ZNF385D: variants seen among roughly 807,000 people sequenced by gnomAD.
ZNF385D encodes zinc finger protein 659.
ZNF385D carries 15 observed loss-of-function variants against 35.8 expected under a neutral mutation model. That is an observed-to-expected ratio of 0.42 (90% CI 0.28 to 0.64). The LOEUF is 0.64. ZNF385D is among the 30% of genes least tolerant of loss of function. The pLI is 0.23. For synonymous variants in ZNF385D, 212 were observed against 186.8 expected (o/e 1.13, Z -1.10); for missense variants, 474 against 494.6 (o/e 0.96, Z 0.39).
At chr3:21,791,950 G>A (rs2071947689) in intron 3 of ZNF385D, among the ~76,000 whole-genome samples, 1 of 152,060 alleles carries the variant, frequency 6.6e-6, no homozygotes, top group South Asian at 2.1e-4. Flanking sequence ...GGCTAGGATG[G>A]TCTCGATCTC....
chr3:21,858,323 A>C (rs536457740), intron 3 of ZNF385D, among the ~76,000 whole-genome samples: 1 of 152,186 alleles, frequency 6.6e-6, no homozygotes, highest in East Asian at 1.9e-4. Context: ...ACCAAGGAAC[A>C]GTTATATGCA....
At position 22,153,145 on chromosome 3, in the gene ZNF385D, A is replaced by C. The variant is rs568084074; in HGVS notation, c.325+15672T>G. On this transcript the variant is annotated intron_variant, in intron 3 of 5. Coordinates refer to the ZNF385D transcript ENST00000494108. ...TCCCTTCCTGACCTCTGCTGTACAA[A>C]TCTGTGACTGGTGAACTCATATTCA... 2.6e-5 allele frequency among the ~76,000 whole-genome samples: 4 copies of C among 152,272 alleles called. 1 individual carries two copies. The South Asian group carries it at 8.3e-4, about 32-fold the overall frequency.
At chr3:22,325,825 G>C (rs942491074) in intron 2 of ZNF385D, among the ~76,000 whole-genome samples, 10 of 144,024 alleles carry the variant, frequency 6.9e-5, no homozygotes, top group South Asian at 4.4e-4. Flanking sequence ...GGAACAAAAA[G>C]AATCACATTT....
At position 22,342,651 on chromosome 3, in the gene ZNF385D, A is replaced by G. The variant is rs994024934; in HGVS notation, c.106+29799T>C. Among the ~76,000 whole-genome samples the G allele has an allele frequency of 6.6e-5, 10 of 152,204 alleles. 1 individual carries two copies. Among genetic ancestry groups the G allele is most frequent in the African/African-American group, 2.4e-4 (10 of 41,448 alleles). On this transcript the variant is annotated intron_variant, in intron 2 of 5. Coordinates refer to the ZNF385D transcript ENST00000494108. The stretch of plus-strand genomic sequence containing the variant: ...GTTACTGGAGCTTTTTATGCAAGAA[A>G]AGGAAAACAGAAGCAGTGCTGAACT...
At chr3:21,606,454 G>A (rs140261200) in intron 2 of ZNF385D, among the ~76,000 whole-genome samples, 23 of 152,302 alleles carry the variant, frequency 1.5e-4, no homozygotes, top group Admixed American at 1.3e-4. Context: ...TACATTTGAT[G>A]TACAAAATGG....
chr3:21,889,326 G>A (rs1698718564), intron 3 of ZNF385D, among the ~76,000 whole-genome samples: 1 of 152,178 alleles, frequency 6.6e-6, no homozygotes, highest in Non-Finnish European at 1.5e-5. Context: ...GGAGACCTCA[G>A]ATGCAAGATG....
intron 2 of ZNF385D, among the ~76,000 whole-genome samples, chr3:22,198,147 T>A (rs1696544091): frequency 6.6e-6 from 1 of 151,908 alleles, no homozygotes; most frequent in African/African-American, 2.4e-5. Context: ...AGTAATGCGG[T>A]TATGAGAATA....
At chr3:21,943,859 A>G (rs1402992649) in intron 3 of ZNF385D, among the ~76,000 whole-genome samples, 2 of 152,202 alleles carry the variant, frequency 1.3e-5, no homozygotes, top group Non-Finnish European at 2.9e-5. Context: ...TGGAAATACA[A>G]AGAAATCATT....
At position 21,716,745 on chromosome 3, in the gene ZNF385D, A is replaced by G. The variant is rs143491868; in HGVS notation, c.22+34150T>C. ...TACTTATTTATCTTGTTATATCTCC[A>G]CTAAAATGTAAGTTCTATCAGGTTA... On this transcript the variant is annotated intron_variant, in intron 1 of 7. Coordinates refer to ENST00000281523, the MANE Select transcript of ZNF385D (RefSeq NM_024697.3). 9.7e-4 allele frequency among the ~76,000 whole-genome samples: 148 copies of G among 152,134 alleles called. 3 individuals carry two copies. In the East Asian group the frequency reaches 0.02, roughly 21 times the overall value.
intron 3 of ZNF385D, among the ~76,000 whole-genome samples, chr3:21,941,982 T>G (rs193163375): frequency 1.3e-5 from 2 of 152,314 alleles, no homozygotes; most frequent in African/African-American, 4.8e-5. Context: ...TTATTCTTCT[T>G]GAATTTGGGA....
At chr3:21,501,270 A>G (rs904943702) in intron 4 of ZNF385D, among the ~76,000 whole-genome samples, 7 of 152,084 alleles carry the variant, frequency 4.6e-5, no homozygotes, top group Admixed American at 2.0e-4. Context: ...CTTGCCTATT[A>G]AACTCTCCAC....
rs1704402016 is a variant in ZNF385D, at chr3:21,478,662, C to T, written c.439+32199G>A. Among the ~76,000 whole-genome samples, 4 of 152,132 alleles carry T rather than the reference C, an allele frequency of 2.6e-5. No homozygotes were observed. The South Asian group carries it at 8.3e-4, about 31-fold the overall frequency. The stretch of plus-strand genomic sequence containing the variant: ...ACGCTTAGGCGTAACTTAGCCTAAG[C>T]TGTCCTCTGATACAGAAAGAATCAG... On this transcript the variant is annotated intron_variant, in intron 4 of 7. Coordinates refer to ENST00000281523, the MANE Select transcript of ZNF385D (RefSeq NM_024697.3).
At chr3:22,346,088 G>A (rs1229390623) in intron 2 of ZNF385D, among the ~76,000 whole-genome samples, 2 of 152,090 alleles carry the variant, frequency 1.3e-5, no homozygotes, top group African/African-American at 4.8e-5. Context: ...AGCTGAAAAT[G>A]GAAATTGAAT....
At chr3:22,004,588 C>T (rs989608364) in intron 3 of ZNF385D, among the ~76,000 whole-genome samples, 1 of 152,066 alleles carries the variant, frequency 6.6e-6, no homozygotes, top group East Asian at 1.9e-4. Flanking sequence ...GGCAAACCTG[C>T]CTCCCATTCT....
intron 3 of ZNF385D, among the ~76,000 whole-genome samples, chr3:21,886,534 A>C (rs1345339315): frequency 1.3e-5 from 2 of 151,946 alleles, no homozygotes; most frequent in Non-Finnish European, 2.9e-5. Flanking sequence ...TGAAGAAATA[A>C]AACTCAAGCA....
In ZNF385D at chr3:22,066,348, G is replaced by A. The variant is rs1699949575; in HGVS notation, c.325+102469C>T. ...TGTGTGTATTAGTAAAAAGATACTGGGCGAGATGGTTCCCTGTGTGTGTGT... is the reference window on the plus strand; with the variant it reads ...TGTGTGTATTAGTAAAAAGATACTGAGCGAGATGGTTCCCTGTGTGTGTGT... On this transcript the variant is annotated intron_variant, in intron 3 of 5. Coordinates refer to the ZNF385D transcript ENST00000494108. Among the ~76,000 whole-genome samples, 3 of 146,590 alleles carry A rather than the reference G, an allele frequency of 2.0e-5. No homozygotes were observed. The South Asian group carries it at 6.4e-4, about 31-fold the overall frequency.
chr3:22,312,787 C>A (rs1274090488), intron 2 of ZNF385D, among the ~76,000 whole-genome samples: 4 of 146,642 alleles, frequency 2.7e-5, no homozygotes, highest in Non-Finnish European at 6.0e-5. Flanking sequence ...AATAGGAACA[C>A]TTTTACACTG....
At chr3:22,246,983 CATTTAA>C (rs149040267) in intron 2 of ZNF385D, among the ~76,000 whole-genome samples, 2,828 of 152,252 alleles carry the variant, frequency 0.019, 50 homozygotes, top group South Asian at 0.088. Context: ...TAGATACATT[CATTTAA>C]ATTTAAACAT....
chr3:22,156,454 A>G (rs576551646), intron 3 of ZNF385D, among the ~76,000 whole-genome samples: 2 of 152,118 alleles, frequency 1.3e-5, no homozygotes, highest in East Asian at 1.9e-4. Flanking sequence ...TTGATTCACA[A>G]CCACCAGAGC....
Sources: gnomAD v4.1 joint callset for allele counts (sites outside exome capture counted in the v4.1 genomes callset) on GRCh38, gnomAD v4.1.1 for gene constraint, MANE v1.5 for transcripts, NCBI Gene and HGNC (gene_info 2026-07-23, HGNC 2026-07-21) for gene names.